The following NMBR variants were observed in gnomAD, a reference collection of about 807,000 sequenced individuals.
NMBR encodes neuromedin B receptor, also known as neuromedin-B receptor.
In NMBR, 16 loss-of-function variants were observed where a neutral mutation model predicts 20.5. The ratio of observed to expected loss-of-function variants is 0.78; its 90% CI spans 0.53 to 1.19. The LOEUF (loss-of-function observed/expected upper bound fraction) is 1.19. Ranked by LOEUF, NMBR falls within the 50% of genes most tolerant of loss-of-function variation. The pLI, the probability that NMBR is intolerant of heterozygous loss-of-function variation, is 0.00. For synonymous variants in NMBR, 212 were observed against 196.6 expected, an observed-to-expected ratio of 1.08 and a Z score of -0.65; for missense variants, 582 against 499.1, an observed-to-expected ratio of 1.17 and a Z score of -1.58.
intron 1 of NMBR, among the ~76,000 whole-genome samples, chr6:142,108,257 C>T (rs1276963310): frequency 6.6e-6 from 1 of 152,014 alleles, no homozygotes; most frequent in Non-Finnish European, 1.5e-5. Flanking sequence ...AGGACAAACA[C>T]AAAGAAACCT....
intron 1 of NMBR, among the ~76,000 whole-genome samples, chr6:142,114,062 G>A (rs1458779233): frequency 6.6e-6 from 1 of 152,090 alleles, no homozygotes; most frequent in Non-Finnish European, 1.5e-5. Flanking sequence ...TACAAAATAG[G>A]AAAAGCGCCA....
chr6:142,131,678 A>T (rs1439902640), intron 1 of NMBR, among the ~76,000 whole-genome samples: 1 of 152,176 alleles, frequency 6.6e-6, no homozygotes, highest in Non-Finnish European at 1.5e-5. Context: ...CCTTTGTTTT[A>T]TTACCCAATT....
intron 1 of NMBR, among the ~76,000 whole-genome samples, chr6:142,125,510 T>TATGCATGCATATAC (rs1778016731): frequency 6.0e-5 from 9 of 150,862 alleles, no homozygotes; most frequent in Non-Finnish European, 1.0e-4. Context: ...CACATATACA[T>TATGCATGCATATAC]ACATACACAA....
In NMBR at chr6:142,088,292, G is replaced by C; in HGVS notation, c.367C>G (p.Gln123Glu). The C allele has an allele frequency of 6.2e-7, 1 of 1,613,988 alleles. No homozygotes were observed. Among genetic ancestry groups the C allele is most frequent in the South Asian group, 1.1e-5 (1 of 91,086 alleles). Residue 123 changes from glutamine (Q) to glutamate (E), a missense_variant, in exon 2 of 4, where the codon CAG (glutamine) becomes GAG (glutamate). By Grantham distance (29) the Gln-to-Glu change is conservative (BLOSUM62 2). Coordinates refer to ENST00000258042, the MANE Select transcript of NMBR (RefSeq NM_002511.4). ...ACGGAAACCCCCACGGAAGTGAGCT[G>C]GATGACAGGGATCAGTTTGCAGCCC... is the stretch of plus-strand genomic sequence containing the variant. ...KVGCKLIPVIQLTSVGVSVFT... is the reference protein window; with the variant it reads ...KVGCKLIPVIELTSVGVSVFT...
At chr6:142,079,022 GA>G (rs1777023705) in intron 2 of NMBR, 119 bp from the exon 3 acceptor site, 1 of 546,070 alleles carries the variant, frequency 1.8e-6, no homozygotes, top group African/African-American at 2.0e-5. Context: ...GAAAGGGAGA[GA>G]GAGAGAAAGA....
At chr6:142,082,048 C>A (rs1562391296) in intron 2 of NMBR, among the ~76,000 whole-genome samples, 1 of 152,036 alleles carries the variant, frequency 6.6e-6, no homozygotes, top group African/African-American at 2.4e-5. Context: ...AATCATAAAA[C>A]AAAATACATA....
intron 1 of NMBR, among the ~76,000 whole-genome samples, chr6:142,123,284 G>T (rs1435630822): frequency 6.6e-6 from 1 of 151,922 alleles, no homozygotes; most frequent in Non-Finnish European, 1.5e-5. Flanking sequence ...CTGAAGATGT[G>T]ACTGAATTGC....
intron 1 of NMBR, among the ~76,000 whole-genome samples, chr6:142,092,855 C>A (rs542687633): frequency 1.3e-5 from 2 of 152,108 alleles, no homozygotes; most frequent in African/African-American, 4.8e-5. Context: ...CAGCTAAATA[C>A]GTGTTTCTAT....
chr6:142,093,005 G>T (rs547754124), intron 1 of NMBR, among the ~76,000 whole-genome samples: 3 of 152,162 alleles, frequency 2.0e-5, no homozygotes, highest in African/African-American at 7.2e-5. Context: ...TTACTTAGAA[G>T]TGTATTGTGT....
intron 1 of NMBR, among the ~76,000 whole-genome samples, chr6:142,127,368 A>G (rs895435278): frequency 6.6e-6 from 1 of 151,992 alleles, no homozygotes; most frequent in African/African-American, 2.4e-5. Flanking sequence ...TGCCAATACT[A>G]TACTATTTTG....
At chr6:142,080,964 T>TA (rs2114557713) in intron 2 of NMBR, among the ~76,000 whole-genome samples, 1 of 152,360 alleles carries the variant, frequency 6.6e-6, no homozygotes, top group Non-Finnish European at 1.5e-5. Context: ...TGTTGTAGTT[T>TA]ACTTGAGCTG....
chr6:142,109,147 A>G (rs1317292107), intron 1 of NMBR, among the ~76,000 whole-genome samples: 1 of 152,106 alleles, frequency 6.6e-6, no homozygotes, highest in African/African-American at 2.4e-5. Flanking sequence ...TTGCATTGCG[A>G]GTCTGAGGCT....
chr6:142,133,735 T>C, intron 1 of NMBR: 1 of 521,886 alleles, frequency 1.9e-6, no homozygotes, highest in Non-Finnish European at 3.4e-6. Context: ...AGGGTCTATT[T>C]GGCTTCAAAA....
chr6:142,124,340 T>C (rs1019327596), intron 1 of NMBR, among the ~76,000 whole-genome samples: 2 of 151,616 alleles, frequency 1.3e-5, no homozygotes, highest in Non-Finnish European at 2.9e-5. Flanking sequence ...CCAGAATGAG[T>C]CTAGTCTCCA....
rs1278258043 is a variant in NMBR at position 142,078,923 on chromosome 6, C to G, written c.423-20G>C. The G allele has an allele frequency of 7.1e-7, 1 of 1,406,690 alleles. No individual in the cohort carries two copies. The highest frequency in any genetic ancestry group is 2.3e-5 in the Admixed American group (1 of 42,962). 87.1% of individuals were successfully genotyped at this position (1,406,690 alleles called of 1,614,324 possible). A position where few individuals can be genotyped will look rare whatever the true frequency, so the allele number is the denominator to read the frequency against. On this transcript the variant is annotated intron_variant, in intron 2 of 3. Coordinates refer to ENST00000258042, the MANE Select transcript of NMBR (RefSeq NM_002511.4). ...CTGTACCTGGGAAAATGATACATCTCAAGTTATTCCAGAAAGAAAGGAAAG... is the reference window on the plus strand; with the variant it reads ...CTGTACCTGGGAAAATGATACATCTGAAGTTATTCCAGAAAGAAAGGAAAG...
intron 2 of NMBR, among the ~76,000 whole-genome samples, chr6:142,079,583 G>C (rs1777051418): frequency 6.6e-6 from 1 of 151,898 alleles, no homozygotes; most frequent in Non-Finnish European, 1.5e-5. Context: ...CTTTTCCATA[G>C]CTTCTGAGCA....
intron 1 of NMBR, among the ~76,000 whole-genome samples, chr6:142,107,729 G>A (rs924686975): frequency 6.6e-6 from 1 of 152,052 alleles, no homozygotes; most frequent in Non-Finnish European, 1.5e-5. Flanking sequence ...AACAAAAACT[G>A]CCTTTCAGAG....
intron 1 of NMBR, chr6:142,132,960 T>C (rs1417257043): frequency 2.5e-6 from 1 of 404,432 alleles, no homozygotes; most frequent in East Asian, 3.4e-5. Flanking sequence ...TTTGTTTTGT[T>C]TTGGGACAGA....
chr6:142,123,206 C>T (rs1279247437), intron 1 of NMBR, among the ~76,000 whole-genome samples: 1 of 151,896 alleles, frequency 6.6e-6, no homozygotes, highest in Non-Finnish European at 1.5e-5. Flanking sequence ...AGTTTCAAGA[C>T]TGCAGTAGAG....
Sources: allele counts gnomAD v4.1 joint callset (sites outside exome capture counted in the v4.1 genomes callset), GRCh38; gene constraint gnomAD v4.1.1; transcripts MANE v1.5; gene names NCBI Gene and HGNC (gene_info 2026-07-23, HGNC 2026-07-21).